The following ANXA8 variants were observed in gnomAD, a reference collection of about 807,000 sequenced individuals.
The protein encoded by ANXA8 is annexin A8.
In ANXA8, 9 loss-of-function variants were observed where a neutral mutation model predicts 26.8. That is an observed-to-expected ratio of 0.34 (90% CI 0.20 to 0.59). ANXA8 has a LOEUF of 0.59. Ranked by LOEUF, ANXA8 falls within the 20% of genes least tolerant of loss-of-function variation. ANXA8 has a pLI of 0.84. For missense variants in ANXA8, 83 were observed against 238.5 expected (o/e 0.35, Z 4.29); for synonymous variants, 39 against 94.8 (o/e 0.41, Z 3.42).
chr10:47,941,547 G>C, the ANXA8 span, among the ~76,000 whole-genome samples: 1 of 146,950 alleles, frequency 6.8e-6, no homozygotes, highest in Non-Finnish European at 1.5e-5. Context: ...CCCAGCACTC[G>C]GGAGGCTGAG....
At chr10:47,957,971 G>T in the ANXA8 span, among the ~76,000 whole-genome samples, 1 of 150,510 alleles carries the variant, frequency 6.6e-6, no homozygotes, top group Admixed American at 6.6e-5. Context: ...CTTACCCGAA[G>T]ATCCTTAATT....
the ANXA8 span, among the ~76,000 whole-genome samples, chr10:47,533,221 A>ACACACC: frequency 1.4e-5 from 2 of 141,976 alleles, no homozygotes; most frequent in Non-Finnish European, 3.0e-5. Context: ...ACACACACAC[A>ACACACC]CACCCCCGCA....
chr10:47,558,481 G>T, the ANXA8 span, among the ~76,000 whole-genome samples: 1 of 151,254 alleles, frequency 6.6e-6, no homozygotes, highest in African/African-American at 2.4e-5. Flanking sequence ...AGACTCAGTT[G>T]ATCCCAGACA....
At chr10:47,991,487 C>T in the ANXA8 span, among the ~76,000 whole-genome samples, 2 of 145,530 alleles carry the variant, frequency 1.4e-5, no homozygotes, top group African/African-American at 5.1e-5. Flanking sequence ...AGGTCCCATC[C>T]CTGCCGTGGG....
At chr10:47,500,024 G>A in the ANXA8 span, among the ~76,000 whole-genome samples, 1 of 151,132 alleles carries the variant, frequency 6.6e-6, no homozygotes, top group African/African-American at 2.4e-5. Flanking sequence ...TCTCAACTTG[G>A]CCTCCCAAAG....
chr10:47,618,764 A>G, the ANXA8 span, among the ~76,000 whole-genome samples: 1 of 112,444 alleles, frequency 8.9e-6, no homozygotes, highest in Non-Finnish European at 2.0e-5. Context: ...AAAATAATTC[A>G]GAGAAGTCTG....
the ANXA8 span, among the ~76,000 whole-genome samples, chr10:47,729,806 T>A: frequency 2.6e-3 from 358 of 138,796 alleles, 7 homozygotes; most frequent in Admixed American, 0.012. Flanking sequence ...GAAAGAGTAG[T>A]TTACTTACCT....
At chr10:47,970,165 G>A in the ANXA8 span, 3 of 151,280 alleles carry the variant, frequency 2.0e-5, no homozygotes, top group Non-Finnish European at 3.0e-5. Flanking sequence ...TCCCTCACTC[G>A]GTGTTGCTGG....
the ANXA8 span, among the ~76,000 whole-genome samples, chr10:47,607,420 G>A: frequency 3.3e-5 from 5 of 149,866 alleles, no homozygotes; most frequent in African/African-American, 5.0e-5. Flanking sequence ...TCATTCACTC[G>A]AATCTACTCT....
chr10:47,943,968 C>A, the ANXA8 span, among the ~76,000 whole-genome samples: 1 of 147,918 alleles, frequency 6.8e-6, no homozygotes, highest in Non-Finnish European at 1.5e-5. Flanking sequence ...GAACCTGCAG[C>A]CCCTGGGGCA....
chr10:47,522,146 G>C, the ANXA8 span, among the ~76,000 whole-genome samples: 1 of 142,798 alleles, frequency 7.0e-6, no homozygotes, highest in African/African-American at 2.6e-5. Flanking sequence ...AAGGGACAAA[G>C]GGGGAGCCAC....
the ANXA8 span, among the ~76,000 whole-genome samples, chr10:47,644,441 A>G: frequency 6.6e-6 from 1 of 152,052 alleles, no homozygotes; most frequent in African/African-American, 2.4e-5. Flanking sequence ...TTTATAGACA[A>G]TACGCAAATG....
chr10:47,594,108 G>A, the ANXA8 span, among the ~76,000 whole-genome samples: 5 of 148,912 alleles, frequency 3.4e-5, no homozygotes, highest in Admixed American at 3.3e-4. Context: ...TACTTTTGAG[G>A]TTTTGGGACT....
the ANXA8 span, among the ~76,000 whole-genome samples, chr10:47,688,056 G>A: frequency 8.6e-5 from 13 of 151,400 alleles, no homozygotes; most frequent in East Asian, 1.9e-4. Flanking sequence ...AGCTGAGATC[G>A]CGTCATTGCA....
the ANXA8 span, among the ~76,000 whole-genome samples, chr10:47,656,207 G>T: frequency 6.6e-6 from 1 of 151,584 alleles, no homozygotes; most frequent in Non-Finnish European, 1.5e-5. Flanking sequence ...AACCAGCCTG[G>T]GCAACATGGC....
At chr10:47,628,216 T>C in the ANXA8 span, among the ~76,000 whole-genome samples, 5 of 152,038 alleles carry the variant, frequency 3.3e-5, no homozygotes, top group African/African-American at 9.6e-5. Context: ...TTTGCTAGTG[T>C]TTCACTTAAA....
At chr10:47,672,782 A>T in the ANXA8 span, among the ~76,000 whole-genome samples, 3 of 151,904 alleles carry the variant, frequency 2.0e-5, no homozygotes, top group Admixed American at 2.0e-4. Flanking sequence ...GGAGTGAACC[A>T]TTCGAGGTCT....
chr10:47,681,523 C>CTTTTTTTTTTTTTTTT, the ANXA8 span, among the ~76,000 whole-genome samples: 4 of 81,282 alleles, frequency 4.9e-5, no homozygotes, highest in East Asian at 1.1e-3. Context: ...TTTATTTTTA[C>CTTTTTTTTTTTTTTTT]TTTTTTTTTT....
chr10:47,489,073 A>G (rs1315368961), upstream of ANXA8, among the ~76,000 whole-genome samples: 84 of 149,382 alleles, frequency 5.6e-4, 3 homozygotes, highest in Non-Finnish European at 4.4e-5. Context: ...GCTGGAGTGC[A>G]GTGGCATGAT....
Sources: gnomAD v4.1 joint callset for allele counts (sites outside exome capture counted in the v4.1 genomes callset) on GRCh38, gnomAD v4.1.1 for gene constraint, MANE v1.5 for transcripts, NCBI Gene and HGNC (gene_info 2026-07-23, HGNC 2026-07-21) for gene names.